RNF111: variants seen among roughly 807,000 people sequenced by gnomAD.
The protein encoded by RNF111 is ring finger protein 111.
Under a neutral mutation model 95.1 loss-of-function variants are expected in RNF111, and 17 were observed. The ratio of observed to expected loss-of-function variants is 0.18; its 90% CI spans 0.12 to 0.27. The LOEUF (loss-of-function observed/expected upper bound fraction) is 0.27, where lower values mean the gene tolerates loss of function less well. Among genes scored for constraint, RNF111 ranks in the 10% least tolerant of loss-of-function variants. The probability of loss-of-function intolerance (pLI) is 1.00; values close to 1 mark genes in which losing one functional copy is unlikely to be tolerated. For missense variants in RNF111, 1,189 were observed against 1,210.4 expected (o/e 0.98, Z 0.26); for synonymous variants, 440 against 414.8 (o/e 1.06, Z -0.74).
At chr15:59,063,327 T>C (rs1044129516) in intron 5 of RNF111, among the ~76,000 whole-genome samples, 1 of 152,230 alleles carries the variant, frequency 6.6e-6, no homozygotes, top group Non-Finnish European at 1.5e-5. Context: ...GTGCCTTTTG[T>C]AGATCTTTTA....
At chr15:59,015,494 C>A (rs1306944162) in intron 1 of RNF111, among the ~76,000 whole-genome samples, 1 of 152,064 alleles carries the variant, frequency 6.6e-6, no homozygotes, top group Admixed American at 6.6e-5. Context: ...GAGCTTCCTC[C>A]GTAGTCTTTC....
At chr15:59,086,652 C>T (rs1188063977) in intron 10 of RNF111, among the ~76,000 whole-genome samples, 20 of 152,284 alleles carry the variant, frequency 1.3e-4, no homozygotes, top group African/African-American at 4.6e-4. Flanking sequence ...GACTTCTAAG[C>T]AGACTGGATT....
intron 1 of RNF111, among the ~76,000 whole-genome samples, chr15:58,994,396 C>A (rs1220372199): frequency 6.6e-6 from 1 of 150,784 alleles, no homozygotes; most frequent in Non-Finnish European, 1.5e-5. Flanking sequence ...AAAAATAGTA[C>A]TGAGAACTCT....
intron 2 of RNF111, among the ~76,000 whole-genome samples, chr15:59,043,804 T>C (rs2041581672): frequency 6.6e-6 from 1 of 152,110 alleles, no homozygotes; most frequent in Non-Finnish European, 1.5e-5. Flanking sequence ...AGCAGGAAAA[T>C]GCTTTTGATA....
intron 3 of RNF111, among the ~76,000 whole-genome samples, 188 bp downstream of exon 3, chr15:59,052,619 C>G (rs1158833398): frequency 5.8e-5 from 7 of 121,292 alleles, no homozygotes; most frequent in Non-Finnish European, 1.1e-4. Flanking sequence ...TGCTATGTTA[C>G]CCAGGCTGGA....
intron 6 of RNF111, among the ~76,000 whole-genome samples, chr15:59,072,125 A>G (rs535644249): frequency 7.2e-5 from 11 of 152,322 alleles, no homozygotes; most frequent in African/African-American, 2.6e-4. Context: ...GACTTCAGCA[A>G]ATTGTAAACT....
At chr15:59,036,532 T>C (rs2041187858) in intron 2 of RNF111, among the ~76,000 whole-genome samples, 3 of 152,190 alleles carry the variant, frequency 2.0e-5, no homozygotes, top group Admixed American at 2.0e-4. Context: ...TCAGATCTCA[T>C]GAGACTTGTT....
chr15:59,083,657 A>G (rs1314998837), intron 8 of RNF111, among the ~76,000 whole-genome samples: 20 of 152,182 alleles, frequency 1.3e-4, no homozygotes. Flanking sequence ...ACTTTCATCC[A>G]TTAAAATGGT....
intron 1 of RNF111, among the ~76,000 whole-genome samples, chr15:58,988,737 A>G (rs778746322): frequency 4.6e-5 from 7 of 152,224 alleles, no homozygotes; most frequent in Non-Finnish European, 8.8e-5. Context: ...TGATTATTCA[A>G]AAAATACCAG....
At chr15:59,029,747 C>G (rs2040812913) in intron 1 of RNF111, among the ~76,000 whole-genome samples, 1 of 152,048 alleles carries the variant, frequency 6.6e-6, no homozygotes, top group African/African-American at 2.4e-5. Flanking sequence ...GTTTGGTGGG[C>G]TGTAGTAATG....
At chr15:59,058,154 A>T (rs868714507) in intron 4 of RNF111, among the ~76,000 whole-genome samples, 16 of 152,354 alleles carry the variant, frequency 1.1e-4, no homozygotes, top group African/African-American at 2.4e-4. Context: ...GGATTTTTTT[A>T]AAATGCAGTA....
chr15:59,092,737 T>C, intron 13 of RNF111, 97 bp downstream of exon 13: 1 of 1,235,496 alleles, frequency 8.1e-7, no homozygotes, highest in Non-Finnish European at 1.1e-6. Flanking sequence ...CTCACACGTG[T>C]AATTCCAGCA....
At chr15:59,077,334 G>A (rs1446806998) in intron 7 of RNF111, among the ~76,000 whole-genome samples, 1 of 152,052 alleles carries the variant, frequency 6.6e-6, no homozygotes, top group African/African-American at 2.4e-5. Context: ...ATAAATACAT[G>A]TTTTAGATTC....
intron 2 of RNF111, among the ~76,000 whole-genome samples, chr15:59,046,818 A>G (rs544121496): frequency 1.3e-5 from 2 of 152,342 alleles, no homozygotes; most frequent in South Asian, 2.1e-4. Flanking sequence ...TGCAAATAGT[A>G]TATCTGAGAA....
In RNF111 at chr15:59,052,444, TTCTTAGTTAAA is replaced by T; in HGVS notation, c.1007+15_1007+25del. The T allele has an allele frequency of 6.5e-7, 1 of 1,542,488 alleles. No homozygotes were observed. The highest frequency in any genetic ancestry group is 8.7e-7 in the Non-Finnish European group (1 of 1,147,980). ...GAGAAAGCTATCGGTGAGATTTTAA[TTCTTAGTTAAA>T]TGTTTGAAATATTAAATATAAATAT... On this transcript the variant is annotated intron_variant, in intron 3 of 13. Coordinates refer to ENST00000348370, the MANE Select transcript of RNF111 (RefSeq NM_017610.8).
chr15:59,072,437 C>T (rs2042972370), intron 6 of RNF111, among the ~76,000 whole-genome samples: 1 of 148,734 alleles, frequency 6.7e-6, no homozygotes, highest in Admixed American at 6.7e-5. Context: ...AAATCTTTCG[C>T]TGTCATTTCC....
intron 6 of RNF111, among the ~76,000 whole-genome samples, chr15:59,074,593 C>T (rs745555178): frequency 6.6e-6 from 1 of 152,216 alleles, no homozygotes; most frequent in African/African-American, 2.4e-5. Flanking sequence ...GAGTTAGGGC[C>T]TTGCTCTGGC....
chr15:59,003,070 G>GCAGCC (rs766598880), intron 1 of RNF111, among the ~76,000 whole-genome samples: 1 of 152,140 alleles, frequency 6.6e-6, no homozygotes, highest in Non-Finnish European at 1.5e-5. Context: ...AAAGCTTACT[G>GCAGCC]CAGCCTTGAA....
chr15:59,068,807 T>A (rs1165923977), intron 6 of RNF111, among the ~76,000 whole-genome samples: 4 of 152,038 alleles, frequency 2.6e-5, no homozygotes, highest in African/African-American at 9.7e-5. Flanking sequence ...CTGGGCGCGG[T>A]GGCTCATGCC....
Sources: allele counts gnomAD v4.1 joint callset (sites outside exome capture counted in the v4.1 genomes callset), GRCh38; gene constraint gnomAD v4.1.1; transcripts MANE v1.5; gene names NCBI Gene and HGNC (gene_info 2026-07-23, HGNC 2026-07-21).